Variants in MAP7 observed in about 807,000 individuals in gnomAD.
The protein encoded by MAP7 is ensconsin.
A neutral mutation model predicts 94.8 loss-of-function variants in MAP7; 52 were observed. The ratio of observed to expected loss-of-function variants is 0.55; its 90% CI spans 0.44 to 0.69. The LOEUF is 0.69. Ranked by LOEUF, MAP7 falls within the 30% of genes least tolerant of loss-of-function variation. The probability of loss-of-function intolerance (pLI) is 0.00; values close to 1 mark genes in which losing one functional copy is unlikely to be tolerated. For synonymous variants in MAP7, 350 were observed against 357.0 expected, an observed-to-expected ratio of 0.98 and a Z score of 0.22; for missense variants, 940 against 964.6, an observed-to-expected ratio of 0.97 and a Z score of 0.34.
intron 1 of MAP7, among the ~76,000 whole-genome samples, chr6:136,441,595 A>G (rs148649209): frequency 6.6e-6 from 1 of 152,282 alleles, no homozygotes; most frequent in African/African-American, 2.4e-5. Flanking sequence ...AATCTCAGGA[A>G]AGCTATTAGC....
intron 1 of MAP7, among the ~76,000 whole-genome samples, chr6:136,493,871 C>T (rs551533667): frequency 2.4e-4 from 36 of 152,234 alleles, no homozygotes; most frequent in African/African-American, 7.7e-4. Flanking sequence ...AGCAAGGCAA[C>T]GTAAGTTGAA....
intron 1 of MAP7, among the ~76,000 whole-genome samples, chr6:136,532,087 A>C (rs1463094445): frequency 6.6e-6 from 1 of 152,210 alleles, no homozygotes; most frequent in Non-Finnish European, 1.5e-5. Flanking sequence ...AAAAAGTTCA[A>C]CTGGACAGGT....
At chr6:136,429,842 A>G (rs541425488) in intron 1 of MAP7, among the ~76,000 whole-genome samples, 2 of 152,336 alleles carry the variant, frequency 1.3e-5, no homozygotes, top group South Asian at 4.1e-4. Flanking sequence ...AGAAAATGAT[A>G]TATTTTCCCC....
At chr6:136,454,860 C>A (rs1025479253) in intron 1 of MAP7, among the ~76,000 whole-genome samples, 1 of 152,000 alleles carries the variant, frequency 6.6e-6, no homozygotes, top group African/African-American at 2.4e-5. Context: ...GATCATGCCA[C>A]TGCACACCTG....
At chr6:136,454,904 T>G (rs1013199068) in intron 1 of MAP7, among the ~76,000 whole-genome samples, 1 of 151,868 alleles carries the variant, frequency 6.6e-6, no homozygotes, top group African/African-American at 2.4e-5. Context: ...GTCTAAAAAA[T>G]CAAAATAAAA....
intron 1 of MAP7, among the ~76,000 whole-genome samples, chr6:136,534,414 G>A (rs555692775): frequency 5.9e-5 from 9 of 152,196 alleles, no homozygotes; most frequent in Admixed American, 1.3e-4. Context: ...TCAACTGATT[G>A]TAAATGTTAA....
At chr6:136,399,337 G>A (rs140642290) in intron 3 of MAP7, among the ~76,000 whole-genome samples, 78 of 152,182 alleles carry the variant, frequency 5.1e-4, no homozygotes, top group African/African-American at 1.7e-3. Context: ...ATTACAATTA[G>A]ATTCCTTTTC....
chr6:136,432,060 A>T (rs1247970470), intron 1 of MAP7, among the ~76,000 whole-genome samples: 1 of 152,212 alleles, frequency 6.6e-6, no homozygotes, highest in Non-Finnish European at 1.5e-5. Flanking sequence ...AGGCTGAGGG[A>T]ACAACAGAGA....
At chr6:136,345,428 G>T (rs1454665232) in intron 17 of MAP7, among the ~76,000 whole-genome samples, 1 of 152,172 alleles carries the variant, frequency 6.6e-6, no homozygotes, top group African/African-American at 2.4e-5. Context: ...GAACATGATG[G>T]CAGTCTTCAA....
At chr6:136,353,268 C>T (rs896256520) in intron 16 of MAP7, among the ~76,000 whole-genome samples, 2 of 152,240 alleles carry the variant, frequency 1.3e-5, no homozygotes, top group African/African-American at 4.8e-5. Context: ...TCAAAGCATA[C>T]TGATATCAGG....
In MAP7 at chr6:136,409,067, C is replaced by CA. The variant is rs1165271745; in HGVS notation, c.244+2552dup. Among the ~76,000 whole-genome samples the CA allele has an allele frequency of 2.0e-5, 3 of 150,642 alleles. No individual in the cohort carries two copies. In the East Asian group the frequency reaches 5.8e-4, roughly 29 times the overall value. Reference sequence around the variant, plus strand: ...GGTTTAAATGGAAAAAAAAAATAGGCAAAAAGGCACTGCTCTGAAATGTAA... The same window carrying CA: ...GGTTTAAATGGAAAAAAAAAATAGGCAAAAAAGGCACTGCTCTGAAATGTAA... On this transcript the variant is annotated intron_variant, in intron 3 of 17. Coordinates refer to ENST00000354570, the MANE Select transcript of MAP7 (RefSeq NM_003980.6).
chr6:136,443,195 T>C (rs1204414862), intron 1 of MAP7, among the ~76,000 whole-genome samples: 2 of 152,146 alleles, frequency 1.3e-5, no homozygotes, highest in Non-Finnish European at 2.9e-5. Context: ...ACAACTGTAA[T>C]ATGATAAGAA....
At chr6:136,444,348 T>C (rs2128861122) in intron 1 of MAP7, among the ~76,000 whole-genome samples, 1 of 152,350 alleles carries the variant, frequency 6.6e-6, no homozygotes. Flanking sequence ...TACACCAAAG[T>C]TGAAAACCAC....
chr6:136,459,792 T>C (rs1428228901), intron 1 of MAP7, among the ~76,000 whole-genome samples: 4 of 152,168 alleles, frequency 2.6e-5, no homozygotes, highest in Admixed American at 2.6e-4. Flanking sequence ...AAGTTTCAGT[T>C]ATGCAAGATG....
chr6:136,392,488 G>T (rs1442435343), intron 3 of MAP7, among the ~76,000 whole-genome samples: 1 of 142,270 alleles, frequency 7.0e-6, no homozygotes, highest in Non-Finnish European at 1.5e-5. Context: ...TGGCTATATA[G>T]TATTTTATTG....
intron 3 of MAP7, among the ~76,000 whole-genome samples, chr6:136,400,293 G>A (rs967695863): frequency 6.6e-6 from 1 of 151,968 alleles, no homozygotes; most frequent in East Asian, 1.9e-4. Flanking sequence ...GTGGGCGCCT[G>A]TAGTCCCAAC....
chr6:136,359,968 G>A lies in MAP7; in HGVS notation c.1854+13C>T, dbSNP rs765426302. On this transcript the variant is annotated intron_variant, in intron 14 of 17. Coordinates refer to ENST00000354570, the MANE Select transcript of MAP7 (RefSeq NM_003980.6). ...AGCATACAAAAGTAGTTAGAAAACG[G>A]CCATGTCAATACCTTATCTGTAGCT... The A allele has an allele frequency of 9.9e-6, 16 of 1,612,190 alleles. No individual in the cohort carries two copies. The South Asian group carries it at 1.4e-4, about 14-fold the overall frequency.
At chr6:136,425,041 C>G (rs1220673130) in intron 1 of MAP7, among the ~76,000 whole-genome samples, 2 of 152,164 alleles carry the variant, frequency 1.3e-5, no homozygotes, top group African/African-American at 4.8e-5. Context: ...ACCATACATA[C>G]GCTATGTTTT....
chr6:136,400,562 C>T (rs1736329490), intron 3 of MAP7, among the ~76,000 whole-genome samples: 1 of 151,958 alleles, frequency 6.6e-6, no homozygotes, highest in East Asian at 1.9e-4. Flanking sequence ...TAAAACAAAG[C>T]GTCAAATAAC....
Sources: allele counts gnomAD v4.1 joint callset (sites outside exome capture counted in the v4.1 genomes callset), GRCh38; gene constraint gnomAD v4.1.1; transcripts MANE v1.5; gene names NCBI Gene and HGNC (gene_info 2026-07-23, HGNC 2026-07-21).